The following MATR3 variants were observed in gnomAD, a reference collection of about 807,000 sequenced individuals.
MATR3 encodes the protein matrin 3.
MATR3 carries 4 observed loss-of-function variants against 85.5 expected under a neutral mutation model. The ratio of observed to expected loss-of-function variants is 0.05; its 90% confidence interval spans 0.02 to 0.11. The LOEUF (loss-of-function observed/expected upper bound fraction) is 0.11, where lower values mean the gene tolerates loss of function less well. MATR3 is among the 10% of genes least tolerant of loss of function. MATR3 has a pLI of 1.00. For missense variants in MATR3, 685 were observed against 1,016.1 expected (o/e 0.67, Z 4.43); for synonymous variants, 336 against 343.1 (o/e 0.98, Z 0.23).
chr5:139,316,287 C>T (rs1221043725), intron 5 of MATR3, 99 bp downstream of exon 5: 1 of 911,226 alleles, frequency 1.1e-6, no homozygotes, highest in Non-Finnish European at 1.8e-6. Flanking sequence ...CTCTTATCGC[C>T]CAGGCTGGAG....
chr5:139,323,655 C>G (rs903793256), intron 12 of MATR3, among the ~76,000 whole-genome samples: 2 of 152,154 alleles, frequency 1.3e-5, no homozygotes. Flanking sequence ...CGCCTGTAAT[C>G]CCAGCACTTT....
At chr5:139,288,727 G>A (rs1053767407) in intron 3 of MATR3, among the ~76,000 whole-genome samples, 9 of 151,940 alleles carry the variant, frequency 5.9e-5, no homozygotes, top group Non-Finnish European at 1.0e-4. Context: ...TGCAAGCTCC[G>A]CCTCCTGGGT....
rs1422253769 is a variant in MATR3 at position 139,325,659 on chromosome 5, G to T, written c.2368G>T (p.Val790Phe). ...RIGPYQPNVP[V>F]GIDYVIPKTG... ...TGGACCATATCAGCCCAATGTTCCT[G>T]TTGGTGAGATTTAAGTCTTTGTTCT... Residue 790 changes from valine to phenylalanine, a missense_variant, in exon 13 of 15, where the codon GTT (valine) becomes TTT (phenylalanine). Physicochemically the swap from Val to Phe is conservative, Grantham distance 50 (BLOSUM62 -1). Coordinates refer to ENST00000394805, the MANE Select transcript of MATR3 (RefSeq NM_018834.6). 6.2e-7 allele frequency: 1 copy of T among 1,613,256 alleles called. No homozygotes were observed. The highest frequency in any genetic ancestry group is 8.5e-7 in the Non-Finnish European group (1 of 1,179,308).
At position 139,307,888 on chromosome 5, in the gene MATR3, A is replaced by C; in HGVS notation, c.473A>C (p.Tyr158Ser). The change falls in exon 2 of 15, where the codon TAT (tyrosine) becomes TCT (serine). Residue 158 changes from tyrosine (Y) to serine (S), a missense_variant. Transcript: ENST00000394805. This position sits in a 1 kb window ranked among gnomAD's most constrained non-coding sequence, Gnocchi z 4.4. ...ACTGAAGAAGGCCCTACCTTGAGTT[A>C]TGGTAGAGATGGCAGATCTGCTACA... The part of the protein sequence containing the change: ...RRTEEGPTLS[Y>S]GRDGRSATRE... 6.2e-7 allele frequency: 1 copy of C among 1,614,136 alleles called. No homozygotes were observed. The highest frequency in any genetic ancestry group is 1.1e-5 in the South Asian group (1 of 91,086).
intron 1 of MATR3, chr5:139,274,231 G>A (rs1204456433): frequency 2.8e-6 from 1 of 357,552 alleles, no homozygotes; most frequent in East Asian, 7.4e-5. Flanking sequence ...GTGCAGGGTG[G>A]CTTCTGCCGG....
At chr5:139,304,516 G>A (rs1012310983) in intron 1 of MATR3, among the ~76,000 whole-genome samples, 1 of 149,866 alleles carries the variant, frequency 6.7e-6, no homozygotes, top group African/African-American at 2.5e-5. Flanking sequence ...AAAAAAAAAA[G>A]AATTTGGTTA....
At chr5:139,314,581 A>ACTG in intron 2 of MATR3, 94 bp from the exon 3 acceptor site, 1 of 949,222 alleles carries the variant, frequency 1.1e-6, no homozygotes, top group Non-Finnish European at 1.7e-6. Flanking sequence ...AGCCTATGAT[A>ACTG]CTGCATAGAC....
intron 14 of MATR3, among the ~76,000 whole-genome samples, chr5:139,328,377 A>G (rs1156454501): frequency 2.6e-5 from 4 of 152,124 alleles, no homozygotes; most frequent in Non-Finnish European, 5.9e-5. Flanking sequence ...TTCCAATGAG[A>G]TGGAAAGAAG....
At chr5:139,285,871 G>A (rs1200830302) in intron 3 of MATR3, among the ~76,000 whole-genome samples, 1 of 150,108 alleles carries the variant, frequency 6.7e-6, no homozygotes, top group African/African-American at 2.4e-5. Context: ...TTAGTCAGAG[G>A]AAAAAAAAAT....
At chr5:139,294,126 C>A in intron 1 of MATR3, 1 of 1,143,602 alleles carries the variant, frequency 8.7e-7, no homozygotes, top group Non-Finnish European at 1.1e-6. Context: ...GAGCTTCCTG[C>A]GCGTCCTGGG....
intron 1 of MATR3, among the ~76,000 whole-genome samples, chr5:139,305,801 A>T (rs952481850): frequency 6.6e-6 from 1 of 152,118 alleles, no homozygotes; most frequent in Non-Finnish European, 1.5e-5. Flanking sequence ...CTCTTATAGC[A>T]TTTCTGTGTC....
intron 2 of MATR3, chr5:139,310,077 T>C (rs1011837965): frequency 3.9e-5 from 6 of 152,198 alleles, no homozygotes; most frequent in Admixed American, 6.5e-5. Context: ...GAGAAAAGTT[T>C]CTGTTTTTAT....
intron 3 of MATR3, chr5:139,315,148 A>AT (rs576618521): frequency 0.053 from 9,233 of 172,608 alleles, 277 homozygotes; most frequent in African/African-American, 0.11. Flanking sequence ...TTGGTGATGA[A>AT]TTTTTTTTTT....
At chr5:139,312,487 T>G (rs1347447110) in intron 2 of MATR3, 1 of 152,200 alleles carries the variant, frequency 6.6e-6, no homozygotes, top group African/African-American at 2.4e-5. Flanking sequence ...AGCTGATGAT[T>G]AGAGAGCCAG....
At position 139,321,951 on chromosome 5, in the gene MATR3, T is replaced by C. The variant is rs1284776111; in HGVS notation, c.1656T>C (p.Cys552=). Reference sequence around the variant, plus strand: ...ATGCAATGGCAATGGTTGACCATTGTTTGAAAAAAGCCCTTTGGTTTCAGG... The same window carrying C: ...ATGCAATGGCAATGGTTGACCATTGCTTGAAAAAAGCCCTTTGGTTTCAGG... ...REDAMAMVDH[C]LKKALWFQGR... Residue 552 remains cysteine, a synonymous_variant, in exon 10 of 15, where the codon TGT becomes TGC. Coordinates refer to ENST00000394805, the MANE Select transcript of MATR3 (RefSeq NM_018834.6). 1 of 1,614,024 alleles carries C rather than the reference T, an allele frequency of 6.2e-7. No individual in the cohort carries two copies. The highest frequency in any genetic ancestry group is 2.2e-5 in the East Asian group (1 of 44,862).
intron 1 of MATR3, among the ~76,000 whole-genome samples, chr5:139,304,092 T>G (rs780047305): frequency 2.0e-5 from 3 of 152,232 alleles, no homozygotes; most frequent in Non-Finnish European, 4.4e-5. Flanking sequence ...CAGATTTGTT[T>G]AGATGTTGAA....
chr5:139,292,804 G>C (rs1357348862), upstream of MATR3, among the ~76,000 whole-genome samples: 1 of 152,188 alleles, frequency 6.6e-6, no homozygotes, highest in African/African-American at 2.4e-5. Flanking sequence ...TTAGCCAGGC[G>C]TCGTGGCGGG....
intron 1 of MATR3, among the ~76,000 whole-genome samples, chr5:139,302,373 G>A (rs1386406486): frequency 6.6e-6 from 1 of 151,764 alleles, no homozygotes; most frequent in East Asian, 1.9e-4. Flanking sequence ...GAAACTCTAG[G>A]AAAAAAATGT....
chr5:139,291,728 G>A (rs574208767), upstream of MATR3, among the ~76,000 whole-genome samples: 64 of 151,964 alleles, frequency 4.2e-4, 1 homozygote, highest in Non-Finnish European at 7.8e-4. Flanking sequence ...GAGTAGAGAC[G>A]GGGTTTCTCC....
Sources: allele counts gnomAD v4.1 joint callset (sites outside exome capture counted in the v4.1 genomes callset), GRCh38; gene constraint gnomAD v4.1.1; non-coding constraint Gnocchi (gnomAD v3.1); transcripts MANE v1.5; gene names NCBI Gene and HGNC (gene_info 2026-07-23, HGNC 2026-07-21).